RNF150: variants seen among roughly 807,000 people sequenced by gnomAD.
RNF150 encodes the protein ring finger protein 150.
RNF150 carries 24 observed loss-of-function variants against 39.3 expected under a neutral mutation model. That is an observed-to-expected ratio of 0.61 (90% CI 0.44 to 0.86). The LOEUF is 0.86. Among genes scored for constraint, RNF150 ranks in the 40% least tolerant of loss-of-function variants. The pLI is 0.00. For synonymous variants in RNF150, 255 were observed against 227.3 expected (o/e 1.12, Z -1.10); for missense variants, 502 against 587.8 (o/e 0.85, Z 1.51).
intron 1 of RNF150, among the ~76,000 whole-genome samples, chr4:141,200,626 T>C (rs1267346886): frequency 2.6e-5 from 4 of 152,150 alleles, no homozygotes. Context: ...ACTATCACAT[T>C]GGGAATTAGG....
chr4:140,981,309 G>A (rs1733851481), intron 1 of RNF150, among the ~76,000 whole-genome samples: 1 of 152,098 alleles, frequency 6.6e-6, no homozygotes, highest in South Asian at 2.1e-4. Context: ...TAGAACCCAA[G>A]TATAAACTCA....
intron 5 of RNF150, among the ~76,000 whole-genome samples, chr4:140,912,011 T>G (rs1172444779): frequency 6.6e-6 from 1 of 152,246 alleles, no homozygotes; most frequent in Non-Finnish European, 1.5e-5. Flanking sequence ...AAGACTATGG[T>G]GAGACCCCCT....
chr4:141,115,972 G>A (rs4637487), intron 1 of RNF150, among the ~76,000 whole-genome samples: 129,346 of 152,186 alleles, frequency 0.85, 55,099 homozygotes, highest in East Asian at 1. Context: ...CCTTCCTTAA[G>A]CTTTATACAA....
At chr4:140,969,818 G>A (rs924023826) in intron 1 of RNF150, among the ~76,000 whole-genome samples, 3 of 137,242 alleles carry the variant, frequency 2.2e-5, no homozygotes, top group South Asian at 4.8e-4. Context: ...CTGGAGTGCA[G>A]TGGCATGATC....
chr4:141,151,096 T>C (rs1578768275), intron 1 of RNF150, among the ~76,000 whole-genome samples: 2 of 151,924 alleles, frequency 1.3e-5, no homozygotes, highest in South Asian at 4.2e-4. Context: ...TACATTACCA[T>C]ACCTGGCTAA....
chr4:141,095,254 C>T (rs527456856), intron 1 of RNF150, among the ~76,000 whole-genome samples: 18 of 152,150 alleles, frequency 1.2e-4, no homozygotes, highest in South Asian at 2.1e-4. Flanking sequence ...CAAACACAGA[C>T]GGCTTTGTAC....
At chr4:141,084,823 G>A (rs1369408815) in intron 1 of RNF150, among the ~76,000 whole-genome samples, 5 of 152,220 alleles carry the variant, frequency 3.3e-5, no homozygotes, top group Admixed American at 2.6e-4. Flanking sequence ...GTATAAGGAT[G>A]TGACAAAGAC....
At chr4:140,999,245 A>C (rs1432650407) in intron 1 of RNF150, among the ~76,000 whole-genome samples, 1 of 152,212 alleles carries the variant, frequency 6.6e-6, no homozygotes. Flanking sequence ...CAAAAAACTA[A>C]AACACGCATT....
intron 1 of RNF150, among the ~76,000 whole-genome samples, chr4:141,044,114 A>G (rs1736472139): frequency 6.6e-6 from 1 of 152,214 alleles, no homozygotes; most frequent in Non-Finnish European, 1.5e-5. Flanking sequence ...ATCTATACAT[A>G]TTTTTAAATG....
In RNF150 at chr4:141,133,072, C is replaced by T. The variant is rs1289803070; in HGVS notation, c.-264G>A. On this transcript the variant is annotated 5_prime_UTR_variant, in exon 1 of 7. Transcript: ENST00000515673. ...CCGGGGGGCGCGGGAACAGAGGGCC[C>T]GCGGGGCTTGCGGAGGAGTCCTGCT... 3 of 395,158 alleles carry T rather than the reference C, an allele frequency of 7.6e-6. No homozygotes were observed. Among genetic ancestry groups the T allele is most frequent in the African/African-American group, 4.4e-5 (2 of 45,762 alleles). The allele number at this position is 395,158 out of a possible 1,614,324, so 24.5% of individuals were successfully genotyped here. A position where few individuals can be genotyped will look rare whatever the true frequency, so the allele number is the denominator to read the frequency against.
At chr4:140,932,444 T>G (rs770260040) in intron 4 of RNF150, among the ~76,000 whole-genome samples, 5 of 152,176 alleles carry the variant, frequency 3.3e-5, no homozygotes, top group Non-Finnish European at 5.9e-5. Flanking sequence ...CTGAAGCTCA[T>G]TAAAGTAAAT....
chr4:141,048,704 G>T (rs1736670191), intron 1 of RNF150, among the ~76,000 whole-genome samples: 1 of 152,156 alleles, frequency 6.6e-6, no homozygotes, highest in Non-Finnish European at 1.5e-5. Flanking sequence ...CTGTACTCCA[G>T]CCTGGGTGAC....
intron 5 of RNF150, among the ~76,000 whole-genome samples, chr4:140,917,397 C>G (rs2111292928): frequency 6.6e-6 from 1 of 152,170 alleles, no homozygotes; most frequent in Non-Finnish European, 1.5e-5. Flanking sequence ...ATCCTAGTCT[C>G]TGATAAAACA....
intron 4 of RNF150, among the ~76,000 whole-genome samples, chr4:140,945,867 C>T (rs1259892912): frequency 6.6e-6 from 1 of 151,392 alleles, no homozygotes; most frequent in Non-Finnish European, 1.5e-5. Flanking sequence ...AAATAATCTT[C>T]AAGAAAAAAA....
At chr4:140,886,190 C>CAAAAAAAAAA (rs1171164182) in intron 6 of RNF150, among the ~76,000 whole-genome samples, 3 of 73,350 alleles carry the variant, frequency 4.1e-5, no homozygotes, top group Middle Eastern at 0.011. Context: ...GACTCCATCA[C>CAAAAAAAAAA]AAAAAAAAAA....
intron 1 of RNF150, among the ~76,000 whole-genome samples, chr4:141,204,810 G>A (rs1200377408): frequency 6.6e-6 from 1 of 152,180 alleles, no homozygotes; most frequent in Non-Finnish European, 1.5e-5. Flanking sequence ...TTGGTTGAAT[G>A]TTAATAAGTA....
chr4:141,034,852 C>G lies in RNF150; in HGVS notation c.485-66979G>C, dbSNP rs147098253. Among the ~76,000 whole-genome samples the G allele has an allele frequency of 1.1e-3, 169 of 152,122 alleles. 1 individual carries two copies. The Middle Eastern group carries it at 0.02, about 18-fold the overall frequency. On this transcript the variant is annotated intron_variant, in intron 1 of 6. Transcript: ENST00000515673. The stretch of plus-strand genomic sequence containing the variant: ...CCCCAAACAAGTACAATAGTAACAT[C>G]CAAGATCACTGAACTCAGATCACCA...
chr4:141,128,121 G>T (rs570062431), intron 1 of RNF150, among the ~76,000 whole-genome samples: 2 of 152,298 alleles, frequency 1.3e-5, no homozygotes, highest in East Asian at 3.9e-4. Flanking sequence ...TCCCAAGGCT[G>T]CCAGGAACTC....
intron 1 of RNF150, among the ~76,000 whole-genome samples, chr4:141,168,490 C>T (rs200122118): frequency 1.3e-5 from 2 of 152,106 alleles, no homozygotes; most frequent in East Asian, 3.9e-4. Context: ...AAGACATATG[C>T]ACAGGTTTGT....
Sources: allele counts gnomAD v4.1 joint callset (sites outside exome capture counted in the v4.1 genomes callset), GRCh38; gene constraint gnomAD v4.1.1; transcripts MANE v1.5; gene names NCBI Gene and HGNC (gene_info 2026-07-23, HGNC 2026-07-21).